Variants in DHRSX observed in about 807,000 individuals in gnomAD.
DHRSX encodes dehydrogenase/reductase X-linked, also known as polyprenol dehydrogenase.
A neutral mutation model predicts 34.0 loss-of-function variants in DHRSX; 31 were observed. The observed-to-expected ratio is 0.91, with a 90% CI of 0.69 to 1.23. DHRSX has a LOEUF of 1.23. Among genes scored for constraint, DHRSX ranks in the 50% most tolerant of loss-of-function variants. DHRSX has a pLI of 0.00. For synonymous variants in DHRSX, 201 were observed against 183.8 expected (o/e 1.09, Z -0.76); for missense variants, 414 against 428.1 (o/e 0.97, Z 0.29).
At chrX:2,423,324 A>G (rs1404848598) in intron 2 of DHRSX, among the ~76,000 whole-genome samples, 1 of 151,926 alleles carries the variant, frequency 6.6e-6, no homozygotes, top group Admixed American at 6.6e-5. Flanking sequence ...GAGGCAGGAG[A>G]GTCGCTTGAA....
At chrX:2,452,844 G>A (rs1185795718) in intron 1 of DHRSX, among the ~76,000 whole-genome samples, 2 of 152,208 alleles carry the variant, frequency 1.3e-5, no homozygotes, top group Non-Finnish European at 2.9e-5. Context: ...ATGGGCCTGC[G>A]AAACATCAGA....
chrX:2,458,479 C>T (rs1376535247), intron 1 of DHRSX, among the ~76,000 whole-genome samples: 1 of 152,054 alleles, frequency 6.6e-6, no homozygotes, highest in African/African-American at 2.4e-5. Flanking sequence ...GGCATAGACA[C>T]ACAATGGAAT....
chrX:2,442,775 G>A (rs186323091), intron 1 of DHRSX, among the ~76,000 whole-genome samples: 2 of 152,260 alleles, frequency 1.3e-5, no homozygotes, highest in Non-Finnish European at 2.9e-5. Flanking sequence ...CCACGTAGAA[G>A]CTCTCAGGAA....
chrX:2,433,814 G>A (rs1254182478), intron 1 of DHRSX, among the ~76,000 whole-genome samples: 2 of 151,942 alleles, frequency 1.3e-5, no homozygotes, highest in Non-Finnish European at 2.9e-5. Context: ...TCGCTCTGTC[G>A]CCCAGGCTGG....
chrX:2,396,375 C>CTTTTTTTTTTTTTTTT (rs1204243041), intron 3 of DHRSX, among the ~76,000 whole-genome samples: 12 of 99,222 alleles, frequency 1.2e-4, no homozygotes, highest in Non-Finnish European at 1.7e-4. Context: ...CTTTCTTTTT[C>CTTTTTTTTTTTTTTTT]TTTTTTTTTT....
chrX:2,435,531 G>A (rs2043981288), intron 1 of DHRSX, among the ~76,000 whole-genome samples: 1 of 151,680 alleles, frequency 6.6e-6, no homozygotes, highest in Non-Finnish European at 1.5e-5. Context: ...TAGGAGGTCA[G>A]GGTGAGACAA....
At chrX:2,315,559 G>A (rs992321405) in intron 3 of DHRSX, among the ~76,000 whole-genome samples, 8 of 152,238 alleles carry the variant, frequency 5.3e-5, no homozygotes, top group East Asian at 1.9e-4. Context: ...TCTGTCTGCA[G>A]AAGTTGCCTC....
intron 4 of DHRSX, among the ~76,000 whole-genome samples, chrX:2,289,461 T>C (rs1250968065): frequency 6.6e-6 from 1 of 152,122 alleles, no homozygotes; most frequent in Non-Finnish European, 1.5e-5. Context: ...TGCAAGCCCA[T>C]ACCAAATGGA....
intron 5 of DHRSX, among the ~76,000 whole-genome samples, chrX:2,259,351 TATAG>T (rs1397463474): frequency 0.026 from 3,200 of 123,664 alleles, 117 homozygotes; most frequent in African/African-American, 0.076. Context: ...GATATAGATA[TATAG>T]ATAGATATAG....
At chrX:2,225,341 CAAG>C (rs2015631313) in intron 6 of DHRSX, among the ~76,000 whole-genome samples, 1 of 151,566 alleles carries the variant, frequency 6.6e-6, no homozygotes, top group South Asian at 2.1e-4. Context: ...CCCTCATTCA[CAAG>C]TACGCACATA....
intron 3 of DHRSX, among the ~76,000 whole-genome samples, chrX:2,302,991 G>T (rs1217217799): frequency 6.6e-6 from 1 of 152,082 alleles, no homozygotes; most frequent in Admixed American, 6.6e-5. Flanking sequence ...AAACTCCTGA[G>T]GTACTGCTGT....
intron 1 of DHRSX, among the ~76,000 whole-genome samples, chrX:2,475,229 G>A (rs1265965554): frequency 1.3e-5 from 2 of 149,782 alleles, no homozygotes; most frequent in Non-Finnish European, 3.0e-5. Context: ...CACTGAAGAC[G>A]TTCCCCTAGG....
chrX:2,444,844 AAT>A (rs1603101054), intron 1 of DHRSX, among the ~76,000 whole-genome samples: 1 of 151,572 alleles, frequency 6.6e-6, no homozygotes, highest in African/African-American at 2.4e-5. Flanking sequence ...CCAAAAAAAA[AAT>A]GTTAAAAATT....
chrX:2,489,054 C>T, intron 1 of DHRSX: 1 of 1,613,906 alleles, frequency 6.2e-7, no homozygotes, highest in Non-Finnish European at 8.5e-7. Context: ...TCCACGCCGC[C>T]TGTCTGGCAG....
chrX:2,377,748 T>G (rs1355506909), intron 3 of DHRSX, among the ~76,000 whole-genome samples: 1 of 151,824 alleles, frequency 6.6e-6, no homozygotes, highest in African/African-American at 2.4e-5. Context: ...AATACTTTTT[T>G]TTTTTTTTTG....
chrX:2,379,705 G>A (rs1329903527), intron 3 of DHRSX, among the ~76,000 whole-genome samples: 1 of 150,750 alleles, frequency 6.6e-6, no homozygotes, highest in African/African-American at 2.4e-5. Flanking sequence ...TGTCAGTGTG[G>A]GGGGCATCCA....
At chrX:2,288,610 C>A (rs1173848835) in intron 4 of DHRSX, among the ~76,000 whole-genome samples, 1 of 152,200 alleles carries the variant, frequency 6.6e-6, no homozygotes, top group Non-Finnish European at 1.5e-5. Context: ...GAAATACTCT[C>A]CTCTAGAACC....
Position 2,500,835 on chromosome X carries a change from C to G in DHRSX, c.91G>C (p.Gly31Arg). The change falls in exon 1 of 7, where the codon GGG (glycine) becomes CGG (arginine). Residue 31 changes from glycine (G) to arginine (R), a missense_variant. Gly to Arg is a moderately radical substitution (Grantham distance 125, BLOSUM62 -2). Coordinates refer to ENST00000334651, the MANE Select transcript of DHRSX (RefSeq NM_145177.3). The part of the protein sequence containing the change: ...ILAQLLRRCR[G>R]GFLEPVFPPR... ...CGCTGACCTGGCTCCAGGAAGCCCC[C>G]GCGGCAGCGCCGCAGCAGCTGCGCC... 1 of 1,143,412 alleles carries G rather than the reference C, an allele frequency of 8.7e-7. No homozygotes were observed. The highest frequency in any genetic ancestry group is 1.1e-6 in the Non-Finnish European group (1 of 928,938). 70.8% of individuals were successfully genotyped at this position (1,143,412 alleles called of 1,614,324 possible). A position where few individuals can be genotyped will look rare whatever the true frequency, so the allele number is the denominator to read the frequency against.
chrX:2,317,547 C>T (rs1012839625), intron 3 of DHRSX, among the ~76,000 whole-genome samples: 4 of 151,590 alleles, frequency 2.6e-5, no homozygotes, highest in East Asian at 1.9e-4. Flanking sequence ...CCACTGCGTG[C>T]GGCCCTGTGC....
Sources: allele counts gnomAD v4.1 joint callset (sites outside exome capture counted in the v4.1 genomes callset), GRCh38; gene constraint gnomAD v4.1.1; transcripts MANE v1.5; gene names NCBI Gene and HGNC (gene_info 2026-07-23, HGNC 2026-07-21).